PRRC1: variants seen among roughly 807,000 people sequenced by gnomAD.
PRRC1 encodes the protein protein PRRC1.
In PRRC1, 39 loss-of-function variants were observed where a neutral mutation model predicts 40.7. The ratio of observed to expected loss-of-function variants is 0.96; its 90% CI spans 0.74 to 1.25. The LOEUF (loss-of-function observed/expected upper bound fraction) is 1.25. Ranked by LOEUF, PRRC1 falls within the 50% of genes most tolerant of loss-of-function variation. PRRC1 has a pLI of 0.00. For synonymous variants in PRRC1, 175 were observed against 193.3 expected, an observed-to-expected ratio of 0.91 and a Z score of 0.79; for missense variants, 573 against 548.3, an observed-to-expected ratio of 1.05 and a Z score of -0.45.
chr5:127,541,461 C>T (rs867737527), intron 7 of PRRC1, among the ~76,000 whole-genome samples: 60 of 147,386 alleles, frequency 4.1e-4, no homozygotes, highest in African/African-American at 1.4e-3. Context: ...ACCAGTTCCT[C>T]CTTGTACCTC....
At chr5:127,519,726 G>C in intron 1 of PRRC1, among the ~76,000 whole-genome samples, 1 of 152,116 alleles carries the variant, frequency 6.6e-6, no homozygotes. Flanking sequence ...AAAACATGAC[G>C]TTAGACTATC....
intron 8 of PRRC1, chr5:127,549,046 G>A (rs1478218283): frequency 1.3e-5 from 2 of 151,938 alleles, no homozygotes; most frequent in African/African-American, 4.8e-5. Context: ...AAGAGTATTA[G>A]GTTGAACCAA....
intron 7 of PRRC1, among the ~76,000 whole-genome samples, chr5:127,544,660 C>T (rs1469193823): frequency 6.6e-6 from 1 of 152,228 alleles, no homozygotes; most frequent in East Asian, 1.9e-4. Context: ...CAGCGGGACT[C>T]CGTGGGCATA....
rs1768434469 is a variant in PRRC1 at position 127,553,036 on chromosome 5, TAA to T, written c.*1122_*1123del. 14 of 731,650 alleles carry T rather than the reference TAA, an allele frequency of 1.9e-5. No homozygotes were observed. The highest frequency in any genetic ancestry group is 2.2e-5 in the Non-Finnish European group (13 of 599,748). 45.3% of individuals were successfully genotyped at this position (731,650 alleles called of 1,614,324 possible). On this transcript the variant is annotated 3_prime_UTR_variant, in exon 9 of 9. Coordinates refer to ENST00000296666, the MANE Select transcript of PRRC1 (RefSeq NM_130809.5). ...TGGACTTATATAAATGATAATTAAATAAATTTTTTTCTTAATACTGTTGGACT... is the reference window on the plus strand; with the variant it reads ...TGGACTTATATAAATGATAATTAAATATTTTTTTCTTAATACTGTTGGACT...
chr5:127,546,330 A>G (rs1213238231), intron 7 of PRRC1, among the ~76,000 whole-genome samples: 1 of 152,196 alleles, frequency 6.6e-6, no homozygotes. Flanking sequence ...TTTCTTGACT[A>G]TATGAACCAT....
At chr5:127,520,011 C>G (rs777383690) in intron 1 of PRRC1, among the ~76,000 whole-genome samples, 2 of 152,198 alleles carry the variant, frequency 1.3e-5, no homozygotes, top group Non-Finnish European at 2.9e-5. Flanking sequence ...GCCACCTAAT[C>G]TTGTCTTGAA....
intron 3 of PRRC1, 96 bp downstream of exon 3, chr5:127,525,016 T>A: frequency 8.2e-7 from 1 of 1,216,212 alleles, no homozygotes; most frequent in Non-Finnish European, 1.1e-6. Flanking sequence ...TTATGTACTC[T>A]ACAATTCACC....
intron 5 of PRRC1, among the ~76,000 whole-genome samples, chr5:127,533,285 A>C (rs1767820555): frequency 6.6e-6 from 1 of 152,174 alleles, no homozygotes. Flanking sequence ...ACTCATTGAC[A>C]AATCACTTAC....
chr5:127,553,982 T>C lies in PRRC1; in HGVS notation c.*2066T>C. Reference sequence around the variant, plus strand: ...AACTGCTCTGGCCTCTCTGGTTCTGTTCTTGGCCCAGAGTTTTTGAAAAGC... The same window carrying C: ...AACTGCTCTGGCCTCTCTGGTTCTGCTCTTGGCCCAGAGTTTTTGAAAAGC... On this transcript the variant is annotated 3_prime_UTR_variant, in exon 9 of 9. Transcript: ENST00000296666. The C allele has an allele frequency of 7.1e-7, 1 of 1,412,176 alleles. No individual in the cohort carries two copies. The highest frequency in any genetic ancestry group is 9.4e-7 in the Non-Finnish European group (1 of 1,061,248). 87.5% of individuals were successfully genotyped at this position (1,412,176 alleles called of 1,614,324 possible).
At position 127,544,973 on chromosome 5, in the gene PRRC1, C is replaced by T. The variant is rs552663584; in HGVS notation, c.1026-2846C>T. 9.8e-4 allele frequency among the ~76,000 whole-genome samples: 150 copies of T among 152,352 alleles called. 1 individual carries two copies. Among genetic ancestry groups the T allele is most frequent in the African/African-American group, 3.2e-3 (135 of 41,594 alleles). On this transcript the variant is annotated intron_variant, in intron 7 of 8. Transcript: ENST00000296666. The stretch of plus-strand genomic sequence containing the variant: ...TGCAGAAATCACCCGTCTTCTGCGT[C>T]GCTCACGCTGGGAGCTGTAGACAGG...
In PRRC1 at chr5:127,524,706, T is replaced by C. The variant is rs1767566028; in HGVS notation, c.279T>C (p.Pro93=). Residue 93 remains proline (P), a synonymous_variant, in exon 3 of 9, where the codon CCT becomes CCC. Coordinates refer to ENST00000296666, the MANE Select transcript of PRRC1 (RefSeq NM_130809.5). ...CACTTGTTACTTCTATGCCACCTCCTGTTTCTCCATCAACTGCTGCTGCCT... is the reference window on the plus strand; with the variant it reads ...CACTTGTTACTTCTATGCCACCTCCCGTTTCTCCATCAACTGCTGCTGCCT... The part of the protein sequence containing the change: ...VPPLVTSMPP[P]VSPSTAAAFG... 1.2e-6 allele frequency: 2 copies of C among 1,614,070 alleles called. No individual in the cohort carries two copies. Among genetic ancestry groups the C allele is most frequent in the African/African-American group, 2.7e-5 (2 of 74,930 alleles).
chr5:127,526,669 A>T lies in PRRC1; in HGVS notation c.545A>T (p.Gln182Leu). ...CAAGCCAGTTTGACATCTCTGGCAC[A>T]GGGAACTGGAACCACATCAGCCATT... ...TQQASLTSLA[Q>L]GTGTTSAITF... The change falls in exon 4 of 9, where the codon CAG becomes CTG. Residue 182 changes from glutamine to leucine, a missense_variant. Transcript: ENST00000296666. The T allele has an allele frequency of 6.2e-7, 1 of 1,613,476 alleles. No homozygotes were observed.
rs761373646 is a variant in PRRC1 at position 127,523,442 on chromosome 5, A to T, written c.-20-18A>T. Reference sequence around the variant, plus strand: ...TTGGTTACTGTGTAATATTTGTTACATTTTTGTGTTTTTATAGTATACCAT... The same window carrying T: ...TTGGTTACTGTGTAATATTTGTTACTTTTTTGTGTTTTTATAGTATACCAT... On this transcript the variant is annotated intron_variant, in intron 1 of 8. Transcript: ENST00000296666. 8.5e-6 allele frequency: 11 copies of T among 1,287,976 alleles called. No homozygotes were observed. The African/African-American group carries it at 1.5e-4, about 17-fold the overall frequency. The allele number at this position is 1,287,976 out of a possible 1,614,324, so 79.8% of individuals were successfully genotyped here.
In PRRC1 at chr5:127,517,661, C is replaced by T. The variant is rs1006765867; in HGVS notation, c.-136C>T. On this transcript the variant is annotated 5_prime_UTR_variant, in exon 1 of 9. Coordinates refer to ENST00000296666, the MANE Select transcript of PRRC1 (RefSeq NM_130809.5). The stretch of plus-strand genomic sequence containing the variant: ...GGCCATCTTGTAGGCGGGGACACGC[C>T]GAGGTAACTTCCAGGGTGCGCCTTC... The T allele has an allele frequency of 6.6e-6, 1 of 151,706 alleles. No homozygotes were observed. Among genetic ancestry groups the T allele is most frequent in the Admixed American group, 6.6e-5 (1 of 15,216 alleles). 9.4% of individuals were successfully genotyped at this position (151,706 alleles called of 1,614,324 possible).
rs1767352895 is a variant in PRRC1, at chr5:127,517,738, A to G, written c.-59A>G. 1 of 151,468 alleles carries G rather than the reference A, an allele frequency of 6.6e-6. No homozygotes were observed. Among genetic ancestry groups the G allele is most frequent in the African/African-American group, 2.4e-5 (1 of 41,116 alleles). 9.4% of individuals were successfully genotyped at this position (151,468 alleles called of 1,614,324 possible). On this transcript the variant is annotated 5_prime_UTR_variant, in exon 1 of 9. Coordinates refer to ENST00000296666, the MANE Select transcript of PRRC1 (RefSeq NM_130809.5). ...CGTCCCGACCTCCCTATCATACCAC[A>G]CTCTTCAGCGACCACGCAGGCACTT...
intron 6 of PRRC1, among the ~76,000 whole-genome samples, chr5:127,537,237 C>T (rs1767923700): frequency 6.6e-6 from 1 of 151,738 alleles, no homozygotes; most frequent in Non-Finnish European, 1.5e-5. Flanking sequence ...TTAGTATAAG[C>T]TCTTAGAGTA....
At chr5:127,525,084 G>A (rs899164902) in intron 3 of PRRC1, among the ~76,000 whole-genome samples, 164 bp downstream of exon 3, 7 of 152,120 alleles carry the variant, frequency 4.6e-5, no homozygotes, top group Admixed American at 1.3e-4. Flanking sequence ...ATCCCTTGTC[G>A]CAATTTTATA....
At chr5:127,547,949 A>G (rs753314686) in intron 8 of PRRC1, 28 bp downstream of exon 8, 35 of 1,394,164 alleles carry the variant, frequency 2.5e-5, no homozygotes, top group Non-Finnish European at 3.6e-5. Context: ...CTTTTTCATT[A>G]TGCTCCAGAG....
At chr5:127,536,540 A>C (rs1767908203) in intron 6 of PRRC1, among the ~76,000 whole-genome samples, 1 of 152,092 alleles carries the variant, frequency 6.6e-6, no homozygotes, top group Non-Finnish European at 1.5e-5. Flanking sequence ...TGCAGAGAGT[A>C]AACTGAGGAA....
Sources: allele counts gnomAD v4.1 joint callset (sites outside exome capture counted in the v4.1 genomes callset), GRCh38; gene constraint gnomAD v4.1.1; transcripts MANE v1.5; gene names NCBI Gene and HGNC (gene_info 2026-07-23, HGNC 2026-07-21).